ZNF514: variants seen among roughly 807,000 people sequenced by gnomAD.
The protein encoded by ZNF514 is zinc finger protein 514.
Under a neutral mutation model 9.7 loss-of-function variants are expected in ZNF514, and 12 were observed. The ratio of observed to expected loss-of-function variants is 1.24; its 90% CI spans 0.79 to 2.01. The LOEUF (loss-of-function observed/expected upper bound fraction) is 2.01. Ranked by LOEUF, ZNF514 falls within the 30% of genes most tolerant of loss-of-function variation. The probability of loss-of-function intolerance (pLI) is 0.00; values close to 1 mark genes in which losing one functional copy is unlikely to be tolerated. For missense variants in ZNF514, 467 were observed against 465.5 expected (o/e 1.00, Z -0.03); for synonymous variants, 158 against 163.7 (o/e 0.97, Z 0.27).
the ZNF514 span, among the ~76,000 whole-genome samples, chr2:95,126,392 A>AAAAGAAAG: frequency 0.027 from 2,282 of 84,360 alleles, 151 homozygotes; most frequent in African/African-American, 0.11. Flanking sequence ...AAAAAAAAAA[A>AAAAGAAAG]AAAGAAAGAA....
At chr2:95,157,935 C>G (rs1036353173) in intron 1 of ZNF514, among the ~76,000 whole-genome samples, 2 of 152,148 alleles carry the variant, frequency 1.3e-5, no homozygotes, top group African/African-American at 4.8e-5. Flanking sequence ...AGAAGCTGCC[C>G]CTGGTGTTCC....
the ZNF514 span, among the ~76,000 whole-genome samples, chr2:95,124,944 C>T: frequency 6.7e-5 from 10 of 149,798 alleles, no homozygotes; most frequent in Admixed American, 1.3e-4. Context: ...TGCAATAGCG[C>T]GATCTCGGCT....
At chr2:95,152,151 G>C (rs149092676) in intron 4 of ZNF514, among the ~76,000 whole-genome samples, 275 of 152,292 alleles carry the variant, frequency 1.8e-3, no homozygotes, top group African/African-American at 6.3e-3. Context: ...GAGAATCAAA[G>C]GTCTCAAAGG....
chr2:95,136,264 C>CTTTTTTTTTTTTTTTTTT, the ZNF514 span, among the ~76,000 whole-genome samples: 1 of 147,168 alleles, frequency 6.8e-6, no homozygotes, highest in Non-Finnish European at 1.5e-5. Flanking sequence ...ATCTACAATG[C>CTTTTTTTTTTTTTTTTTT]TTTTTTTTTT....
chr2:95,140,956 C>A (rs1444867428), downstream of ZNF514, among the ~76,000 whole-genome samples: 1 of 149,216 alleles, frequency 6.7e-6, no homozygotes, highest in Non-Finnish European at 1.5e-5. Flanking sequence ...GCTTGGGCAA[C>A]AGAGTGAGAC....
Position 95,149,926 on chromosome 2 carries a change from G to T in ZNF514, c.559C>A (p.Gln187Lys). The change falls in exon 5 of 5, where the codon CAG becomes AAG. Residue 187 changes from glutamine (Q) to lysine (K), a missense_variant. Gln to Lys is a moderately conservative substitution (Grantham distance 53, BLOSUM62 1). Coordinates refer to ENST00000295208, the MANE Select transcript of ZNF514 (RefSeq NM_032788.3). ...TGAGAGTTGTTTCCCCCTAAAGTCTGCCTGAATTCTGTATCACATTTATAA... is the reference window on the plus strand; with the variant it reads ...TGAGAGTTGTTTCCCCCTAAAGTCTTCCTGAATTCTGTATCACATTTATAA... ...GSYKCDTEFR[Q>K]TLGGNNSQRT... 6.2e-7 allele frequency: 1 copy of T among 1,614,172 alleles called. No individual in the cohort carries two copies.
At chr2:95,152,794 T>C in intron 3 of ZNF514, 25 bp from the exon 4 acceptor site, 1 of 1,608,124 alleles carries the variant, frequency 6.2e-7, no homozygotes, top group East Asian at 2.2e-5. Flanking sequence ...GGAAAAGGAT[T>C]TTGGTTGTGT....
At chr2:95,127,987 C>G in the ZNF514 span, among the ~76,000 whole-genome samples, 2 of 152,198 alleles carry the variant, frequency 1.3e-5, no homozygotes, top group Non-Finnish European at 2.9e-5. Context: ...TGGCTCACAC[C>G]TGTAATCCCA....
the ZNF514 span, among the ~76,000 whole-genome samples, chr2:95,133,357 A>G: frequency 6.6e-6 from 1 of 152,218 alleles, no homozygotes; most frequent in Non-Finnish European, 1.5e-5. Flanking sequence ...AGAAGGAGAC[A>G]TCAACTTCAA....
At chr2:95,153,522 T>G (rs184491423) in intron 2 of ZNF514, 39 of 275,080 alleles carry the variant, frequency 1.4e-4, no homozygotes, top group Middle Eastern at 1.1e-3. Flanking sequence ...AAAGTATTTT[T>G]GAAACTTGTG....
chr2:95,149,282 T>G lies in ZNF514; in HGVS notation c.1203A>C (p.Ter401TyrextTer3), dbSNP rs1673450030. ...QRSHAGKKTL[*>Y] ...GAAAGCCCTTCTATATTCACTGAATTTATAGGGTTTTTTTTCCAGCATGAC... is the reference window on the plus strand; with the variant it reads ...GAAAGCCCTTCTATATTCACTGAATGTATAGGGTTTTTTTTCCAGCATGAC... Residue 401 changes from the stop codon to tyrosine, a stop_lost, in exon 5 of 5, where the codon TAA becomes TAC. Coordinates refer to ENST00000295208, the MANE Select transcript of ZNF514 (RefSeq NM_032788.3). 6.4e-7 allele frequency: 1 copy of G among 1,565,194 alleles called. No individual in the cohort carries two copies. Among genetic ancestry groups the G allele is most frequent in the East Asian group, 2.2e-5 (1 of 44,450 alleles).
the ZNF514 span, among the ~76,000 whole-genome samples, chr2:95,134,324 G>A: frequency 5.7e-4 from 86 of 152,146 alleles, no homozygotes; most frequent in African/African-American, 2.0e-3. Flanking sequence ...TATTCGAACC[G>A]CTTTTTAAGG....
At chr2:95,143,012 A>G (rs1439046092), downstream of ZNF514, among the ~76,000 whole-genome samples, 1 of 152,246 alleles carries the variant, frequency 6.6e-6, no homozygotes, top group African/African-American at 2.4e-5. Flanking sequence ...ACATGGTAGA[A>G]TAAGCTATAC....
At chr2:95,154,821 C>T (rs771553215) in intron 2 of ZNF514, 7 of 152,146 alleles carry the variant, frequency 4.6e-5, no homozygotes, top group Non-Finnish European at 1.0e-4. Flanking sequence ...AAAACTCAGC[C>T]CATTATCAGG....
chr2:95,143,354 C>T (rs1330460276), downstream of ZNF514, among the ~76,000 whole-genome samples: 1 of 152,164 alleles, frequency 6.6e-6, no homozygotes, highest in Non-Finnish European at 1.5e-5. Context: ...GGTGTGGTGG[C>T]TCACATCTGT....
chr2:95,153,290 T>C, intron 2 of ZNF514, 31 bp from the exon 3 acceptor site: 1 of 1,595,196 alleles, frequency 6.3e-7, no homozygotes, highest in Non-Finnish European at 8.6e-7. Context: ...CAGTGTCCAC[T>C]TATATGCTTA....
At chr2:95,144,225 G>A (rs1424083095), downstream of ZNF514, among the ~76,000 whole-genome samples, 8 of 152,200 alleles carry the variant, frequency 5.3e-5, no homozygotes, top group South Asian at 2.1e-4. Context: ...ACAGACCCCC[G>A]CATTTTCTGA....
the ZNF514 span, among the ~76,000 whole-genome samples, chr2:95,131,638 C>T: frequency 1.3e-5 from 2 of 152,190 alleles, no homozygotes; most frequent in Non-Finnish European, 2.9e-5. Context: ...AATGAGAGGG[C>T]ATTAAAACAA....
At chr2:95,152,542 A>G (rs1022450182) in intron 4 of ZNF514, 132 bp downstream of exon 4, 1 of 689,238 alleles carries the variant, frequency 1.5e-6, no homozygotes, top group Non-Finnish European at 2.5e-6. Flanking sequence ...ACAAAATTCA[A>G]CATACCAGAG....
Sources: allele counts gnomAD v4.1 joint callset (sites outside exome capture counted in the v4.1 genomes callset), GRCh38; gene constraint gnomAD v4.1.1; transcripts MANE v1.5; gene names NCBI Gene and HGNC (gene_info 2026-07-23, HGNC 2026-07-21).